Variants in C17orf113 observed in about 807,000 individuals in gnomAD.
C17orf113 encodes uncharacterized protein C17orf113.
Under a neutral mutation model 11.6 loss-of-function variants are expected in C17orf113, and 5 were observed. That is an observed-to-expected ratio of 0.43 (90% CI 0.23 to 0.91). C17orf113 has a LOEUF of 0.91. C17orf113 is among the 40% of genes least tolerant of loss of function. The pLI is 0.26. For synonymous variants in C17orf113, 327 were observed against 390.6 expected (o/e 0.84, Z 1.92); for missense variants, 714 against 841.3 (o/e 0.85, Z 1.87).
Position 42,040,374 on chromosome 17 carries a change from G to A in C17orf113, c.1359C>T (p.Phe453=). Residue 453 remains phenylalanine (F), a synonymous_variant, in exon 3 of 3, where the codon TTC becomes TTT. Transcript: ENST00000587304. ...RGSGGARLQG[F]LQELASMDPD... is the part of the protein sequence containing the mutation. ...GGTCCATGGATGCCAGTTCCTGCAG[G>A]AAGCCCTGGAGGCGGGCCCCACCTG... is the stretch of plus-strand genomic sequence containing the variant. 1 of 1,231,938 alleles carries A rather than the reference G, an allele frequency of 8.1e-7. No homozygotes were observed. The allele number at this position is 1,231,938 out of a possible 1,614,324, so 76.3% of individuals were successfully genotyped here. A position where few individuals can be genotyped will look rare whatever the true frequency, so the allele number is the denominator to read the frequency against.
chr17:42,047,055 G>A (rs1159461642), intron 1 of C17orf113, among the ~76,000 whole-genome samples: 4 of 125,208 alleles, frequency 3.2e-5, no homozygotes, highest in East Asian at 4.6e-4. Context: ...TTTTTGAGAC[G>A]CAATTTCACT....
chr17:42,042,886 A>AGCAGT lies in C17orf113; in HGVS notation c.486_490dup (p.Leu164HisfsTer16). On this transcript the variant is annotated frameshift_variant, in exon 2 of 3. Coordinates refer to ENST00000587304, the MANE Select transcript of C17orf113 (RefSeq NM_001358661.2). LOFTEE classifies it high-confidence loss of function. ...GTAGTAATCGCCATGCTCTGTGCCC[A>AGCAGT]GCAGTGCCTGGCACAGGTTGAACCT... 8.1e-7 allele frequency: 1 copy of AGCAGT among 1,232,326 alleles called. No homozygotes were observed. Among genetic ancestry groups the AGCAGT allele is most frequent in the Non-Finnish European group, 1.0e-6 (1 of 988,124 alleles). 76.3% of individuals were successfully genotyped at this position (1,232,326 alleles called of 1,614,324 possible).
chr17:42,044,709 T>C (rs11656776), intron 1 of C17orf113, among the ~76,000 whole-genome samples: 109,664 of 151,986 alleles, frequency 0.72, 42,196 homozygotes, highest in South Asian at 0.85. Context: ...CCATTCCTTA[T>C]ACACACAGGT....
Position 42,049,654 on chromosome 17 carries a change from GC to G in C17orf113, c.-188+902del, listed in dbSNP as rs1456022207. ...GATCTCAGAATGGGGGCAGAGGGGT[GC>G]AAAAGCAAGGTGATGCCCTTCTGGA... On this transcript the variant is annotated intron_variant, in intron 1 of 2. Coordinates refer to ENST00000587304, the MANE Select transcript of C17orf113 (RefSeq NM_001358661.2). 2.6e-5 allele frequency among the ~76,000 whole-genome samples: 4 copies of G among 152,346 alleles called. No individual in the cohort carries two copies. The East Asian group carries it at 5.8e-4, about 22-fold the overall frequency.
At chr17:42,049,727 C>T (rs2143747329) in intron 1 of C17orf113, among the ~76,000 whole-genome samples, 1 of 152,342 alleles carries the variant, frequency 6.6e-6, no homozygotes, top group South Asian at 2.1e-4. Flanking sequence ...CTATCCTGCC[C>T]ATTCTGCAGA....
chr17:42,042,324 C>G (rs564178776), intron 2 of C17orf113, among the ~76,000 whole-genome samples: 2 of 152,140 alleles, frequency 1.3e-5, no homozygotes, highest in African/African-American at 4.8e-5. Context: ...GAGTTCGAAA[C>G]TGGCCTGGCC....
rs1598184533 is a variant in C17orf113 at position 42,040,242 on chromosome 17, G to A, written c.1491C>T (p.Ser497=). 8.1e-7 allele frequency: 1 copy of A among 1,231,598 alleles called. No individual in the cohort carries two copies. Among genetic ancestry groups the A allele is most frequent in the African/African-American group, 1.5e-5 (1 of 64,544 alleles). 76.3% of individuals were successfully genotyped at this position (1,231,598 alleles called of 1,614,324 possible). The change falls in exon 3 of 3, where the codon TCC becomes TCT. Residue 497 remains serine, a synonymous_variant. Transcript: ENST00000587304. ...LEWLRGSFLD[S]MRKGLQDSYP... ...AGGAGTCCTGTAGGCCCTTCCGCAT[G>A]GAGTCCAGGAAGGATCCCCGGAGCC...
chr17:42,039,476 C>G lies in C17orf113; in HGVS notation c.*229G>C. 2.5e-6 allele frequency: 1 copy of G among 392,818 alleles called. No homozygotes were observed. The highest frequency in any genetic ancestry group is 6.4e-4 in the Middle Eastern group (1 of 1,554). The allele number at this position is 392,818 out of a possible 1,614,324, so 24.3% of individuals were successfully genotyped here. On this transcript the variant is annotated 3_prime_UTR_variant, in exon 3 of 3. Coordinates refer to ENST00000587304, the MANE Select transcript of C17orf113 (RefSeq NM_001358661.2). ...AGGAATGATTTAGGGTACCCCAGATCCTAGCATCTCTGCCCACCCGCCCAG... is the reference window on the plus strand; with the variant it reads ...AGGAATGATTTAGGGTACCCCAGATGCTAGCATCTCTGCCCACCCGCCCAG...
At position 42,048,207 on chromosome 17, in the gene C17orf113, CT is replaced by C. The variant is rs202128627; in HGVS notation, c.-188+2349del. On this transcript the variant is annotated intron_variant, in intron 1 of 2. Transcript: ENST00000587304. ...CACTCCATCCAGCTGCCTCCCCGGC[CT>C]GTTCCTAGACAGAACTGTTGATCTA... Among the ~76,000 whole-genome samples the C allele has an allele frequency of 4.7e-4, 72 of 152,146 alleles. No homozygotes were observed. The East Asian group carries it at 0.013, about 28-fold the overall frequency.
intron 1 of C17orf113, among the ~76,000 whole-genome samples, chr17:42,046,497 G>A (rs2053163948): frequency 6.6e-6 from 1 of 151,974 alleles, no homozygotes; most frequent in Non-Finnish European, 1.5e-5. Flanking sequence ...CTACTCAGGA[G>A]GCTGAGGTGG....
At chr17:42,044,249 A>G (rs1445128101) in intron 1 of C17orf113, among the ~76,000 whole-genome samples, 1 of 139,790 alleles carries the variant, frequency 7.2e-6, no homozygotes, top group Non-Finnish European at 1.5e-5. Flanking sequence ...CAAAGGTTGC[A>G]GTGAGCCATG....
chr17:42,043,183 G>T lies in C17orf113; in HGVS notation c.194C>A (p.Thr65Asn). The T allele has an allele frequency of 8.1e-7, 1 of 1,232,236 alleles. No individual in the cohort carries two copies. Among genetic ancestry groups the T allele is most frequent in the Non-Finnish European group, 1.0e-6 (1 of 988,014 alleles). The allele number at this position is 1,232,236 out of a possible 1,614,324, so 76.3% of individuals were successfully genotyped here. ...GCGCTGGAAGTTGTCTGTGCCCACA[G>T]TGAAGGCGTTTTCGGCTTTGCCATG... is the stretch of plus-strand genomic sequence containing the variant. ...NKHGKAENAF[T>N]VGTDNFQRHA... The change falls in exon 2 of 3, where the codon ACT (threonine) becomes AAT (asparagine). Residue 65 changes from threonine to asparagine, a missense_variant. This residue lies in a region of C17orf113 where 516 missense variants were observed against 626.6 expected (regional missense o/e 0.82). Coordinates refer to ENST00000587304, the MANE Select transcript of C17orf113 (RefSeq NM_001358661.2).
rs558955058 is a variant in C17orf113 at position 42,039,398 on chromosome 17, C to G, written c.*307G>C. ...TCTTTGGGGGGACCCAAACTTGCCC[C>G]GAGTCCAGAAGGGAAAAGGGTGAGC... On this transcript the variant is annotated 3_prime_UTR_variant, in exon 3 of 3. Coordinates refer to ENST00000587304, the MANE Select transcript of C17orf113 (RefSeq NM_001358661.2). The G allele has an allele frequency of 3.4e-6, 1 of 296,002 alleles. No individual in the cohort carries two copies. Among genetic ancestry groups the G allele is most frequent in the Admixed American group, 5.1e-5 (1 of 19,496 alleles). 18.3% of individuals were successfully genotyped at this position (296,002 alleles called of 1,614,324 possible). A position where few individuals can be genotyped will look rare whatever the true frequency, so the allele number is the denominator to read the frequency against.
chr17:42,042,737 GC>G, intron 2 of C17orf113, 96 bp downstream of exon 2: 5 of 924,990 alleles, frequency 5.4e-6, no homozygotes, highest in Non-Finnish European at 7.1e-6. Flanking sequence ...AAATGCCCTA[GC>G]TGCTCCCCAA....
In C17orf113 at chr17:42,040,674, G is replaced by C; in HGVS notation, c.1059C>G (p.Pro353=). 9 of 1,232,326 alleles carry C rather than the reference G, an allele frequency of 7.3e-6. No individual in the cohort carries two copies. The highest frequency in any genetic ancestry group is 9.1e-6 in the Non-Finnish European group (9 of 988,072). 76.3% of individuals were successfully genotyped at this position (1,232,326 alleles called of 1,614,324 possible). A position where few individuals can be genotyped will look rare whatever the true frequency, so the allele number is the denominator to read the frequency against. ...CCACTACAGGCAGCAGGGAGGCCCA[G>C]GGCACTGGCCGAGGCCCTGCCAAGT... The part of the protein sequence containing the change: ...AIDLAGPRPV[P]WASLLPVVEA... The change falls in exon 3 of 3, where the codon CCC becomes CCG. Residue 353 remains proline, a synonymous_variant. Coordinates refer to ENST00000587304, the MANE Select transcript of C17orf113 (RefSeq NM_001358661.2).
intron 1 of C17orf113, among the ~76,000 whole-genome samples, chr17:42,045,294 G>A (rs62076908): frequency 0.021 from 3,220 of 152,070 alleles, 52 homozygotes; most frequent in Non-Finnish European, 0.032. Context: ...CTTGTGATCC[G>A]CCCGTCTCGG....
In C17orf113 at chr17:42,041,217, G is replaced by A. The variant is rs1598185324; in HGVS notation, c.544-28C>T. On this transcript the variant is annotated intron_variant, in intron 2 of 2. Transcript: ENST00000587304. ...GGGACAGCCAGGGAAAGAAAGGGAG[G>A]GAGGACTGAGTTAGGCTTGTCCTGA... 3.2e-6 allele frequency: 4 copies of A among 1,232,424 alleles called. No homozygotes were observed. The East Asian group carries it at 1.3e-4, about 39-fold the overall frequency. 76.3% of individuals were successfully genotyped at this position (1,232,424 alleles called of 1,614,324 possible). A position where few individuals can be genotyped will look rare whatever the true frequency, so the allele number is the denominator to read the frequency against.
rs980922457 is a variant in C17orf113 at position 42,040,102 on chromosome 17, A to G, written c.1631T>C (p.Leu544Pro). The G allele has an allele frequency of 1.9e-5, 24 of 1,231,194 alleles. No homozygotes were observed. The highest frequency in any genetic ancestry group is 2.4e-5 in the Non-Finnish European group (24 of 987,648). The allele number at this position is 1,231,194 out of a possible 1,614,324, so 76.3% of individuals were successfully genotyped here. A position where few individuals can be genotyped will look rare whatever the true frequency, so the allele number is the denominator to read the frequency against. The change falls in exon 3 of 3, where the codon CTG becomes CCG. Residue 544 changes from leucine (L) to proline (P), a missense_variant. This residue lies in a region of C17orf113 where 194 missense variants were observed against 197.2 expected (regional missense o/e 0.98). Coordinates refer to ENST00000587304, the MANE Select transcript of C17orf113 (RefSeq NM_001358661.2). ...CACGGCAGGAGCAAAGCCGCGCAGC[A>G]GCACCCGCAGCGCCCCCTCGCCATG... Reference protein sequence around the residue: ...GTHGEGALRVLLRGFAPAVVR... With the variant: ...GTHGEGALRVPLRGFAPAVVR...
Position 42,043,266 on chromosome 17 carries a change from G to C in C17orf113, c.111C>G (p.Asp37Glu). Reference protein sequence around the residue: ...WKEEFTWLDFDYERKLMFCLE... With the variant: ...WKEEFTWLDFEYERKLMFCLE... The stretch of plus-strand genomic sequence containing the variant: ...GGCAGAACATCAGCTTCCGCTCATA[G>C]TCAAAGTCCAGCCAGGTAAACTCCT... The change falls in exon 2 of 3, where the codon GAC becomes GAG. Residue 37 changes from aspartate to glutamate, a missense_variant. Physicochemically the swap from Asp to Glu is conservative, Grantham distance 45. Transcript: ENST00000587304. 1 of 1,232,258 alleles carries C rather than the reference G, an allele frequency of 8.1e-7. No homozygotes were observed. The highest frequency in any genetic ancestry group is 1.0e-6 in the Non-Finnish European group (1 of 988,014). The allele number at this position is 1,232,258 out of a possible 1,614,324, so 76.3% of individuals were successfully genotyped here.
Sources: allele counts gnomAD v4.1 joint callset (sites outside exome capture counted in the v4.1 genomes callset), GRCh38; gene constraint gnomAD v4.1.1; regional missense constraint gnomAD v4.1.1; transcripts MANE v1.5; gene names NCBI Gene and HGNC (gene_info 2026-07-23, HGNC 2026-07-21).